The following DMTF1 variants were observed in gnomAD, a reference collection of about 807,000 sequenced individuals.
The protein encoded by DMTF1 is cyclin-D-binding Myb-like transcription factor 1.
Under a neutral mutation model 91.1 loss-of-function variants are expected in DMTF1, and 39 were observed. The observed-to-expected ratio is 0.43, with a 90% CI of 0.33 to 0.56. The LOEUF (loss-of-function observed/expected upper bound fraction) is 0.56, where lower values mean the gene tolerates loss of function less well. DMTF1 is among the 20% of genes least tolerant of loss of function. DMTF1 has a pLI of 0.05. For missense variants in DMTF1, 750 were observed against 914.5 expected, an observed-to-expected ratio of 0.82 and a Z score of 2.32; for synonymous variants, 338 against 309.5, an observed-to-expected ratio of 1.09 and a Z score of -0.97.
intron 1 of DMTF1, among the ~76,000 whole-genome samples, chr7:87,156,413 A>G (rs1441116226): frequency 6.6e-6 from 1 of 152,126 alleles, no homozygotes; most frequent in African/African-American, 2.4e-5. Context: ...ATCATATTTT[A>G]CCATCTTAAA....
At chr7:87,167,432 A>G (rs968594269) in intron 4 of DMTF1, among the ~76,000 whole-genome samples, 8 of 152,224 alleles carry the variant, frequency 5.3e-5, no homozygotes, top group African/African-American at 1.9e-4. Flanking sequence ...GTCCATGGCA[A>G]TGGGGATGCA....
chr7:87,188,031 C>G, intron 12 of DMTF1, 61 bp from the exon 13 acceptor site: 1 of 1,391,800 alleles, frequency 7.2e-7, no homozygotes, highest in Non-Finnish European at 1.0e-6. Flanking sequence ...ACCTCCCTTG[C>G]TGCTTAGATG....
chr7:87,179,807 T>G (rs1562825631), intron 8 of DMTF1, 105 bp downstream of exon 8: 2 of 1,091,628 alleles, frequency 1.8e-6, no homozygotes, highest in East Asian at 5.6e-5. Flanking sequence ...TATTAATTGT[T>G]GTTAATATTT....
At chr7:87,155,894 C>G (rs1790574246) in intron 1 of DMTF1, among the ~76,000 whole-genome samples, 1 of 152,136 alleles carries the variant, frequency 6.6e-6, no homozygotes, top group Non-Finnish European at 1.5e-5. Context: ...ATTATGTACA[C>G]TGTTAGGTCA....
At chr7:87,184,810 T>A in intron 11 of DMTF1, 185 bp downstream of exon 11, 1 of 701,476 alleles carries the variant, frequency 1.4e-6, no homozygotes, top group Non-Finnish European at 2.6e-6. Context: ...TTGTTCCTTT[T>A]TTTTTTTAGT....
intron 8 of DMTF1, among the ~76,000 whole-genome samples, chr7:87,180,287 T>C (rs1427747752): frequency 6.6e-6 from 1 of 152,210 alleles, no homozygotes; most frequent in Non-Finnish European, 1.5e-5. Flanking sequence ...GAGCTCTTTC[T>C]CTAGCTCTTC....
intron 13 of DMTF1, among the ~76,000 whole-genome samples, chr7:87,188,719 A>C (rs534947372): frequency 6.6e-6 from 1 of 152,166 alleles, no homozygotes; most frequent in Non-Finnish European, 1.5e-5. Flanking sequence ...TCGTTTGGTA[A>C]AGAAATGAGT....
At chr7:87,190,537 AG>A (rs1359504744) in intron 13 of DMTF1, among the ~76,000 whole-genome samples, 1 of 152,038 alleles carries the variant, frequency 6.6e-6, no homozygotes, top group African/African-American at 2.4e-5. Flanking sequence ...ATGTATACCA[AG>A]GGTTAGCAAA....
chr7:87,166,703 C>A, intron 4 of DMTF1, 98 bp downstream of exon 4: 1 of 1,180,160 alleles, frequency 8.5e-7, no homozygotes, highest in Non-Finnish European at 1.2e-6. Flanking sequence ...CTTGGACTTA[C>A]TGCTTTTTTC....
intron 4 of DMTF1, among the ~76,000 whole-genome samples, chr7:87,169,549 T>C (rs1794620364): frequency 6.6e-6 from 1 of 152,052 alleles, no homozygotes; most frequent in South Asian, 2.1e-4. Context: ...AAATTGCCTA[T>C]ATTTGCCTTC....
At chr7:87,165,629 A>C (rs1051739371) in intron 3 of DMTF1, among the ~76,000 whole-genome samples, 2 of 152,232 alleles carry the variant, frequency 1.3e-5, no homozygotes, top group African/African-American at 4.8e-5. Flanking sequence ...CCTACCTATA[A>C]AGATGACTCA....
chr7:87,189,578 TTC>T (rs1011402184), intron 13 of DMTF1, among the ~76,000 whole-genome samples: 8 of 152,160 alleles, frequency 5.3e-5, no homozygotes, highest in Non-Finnish European at 4.4e-5. Context: ...ATTTAGAATT[TTC>T]TCTCTTACAG....
chr7:87,184,674 A>G lies in DMTF1; in HGVS notation c.1049+49A>G, dbSNP rs746804255. On this transcript the variant is annotated intron_variant, in intron 11 of 17. Transcript: ENST00000331242. ...GACAAAAGCAACTTAATTTCTGTGG[A>G]TGTCTTGATAGACTTTCCTCTTTTG... The G allele has an allele frequency of 6.6e-6, 10 of 1,516,460 alleles. No homozygotes were observed. The South Asian group carries it at 1.2e-4, about 17-fold the overall frequency. 93.9% of individuals were successfully genotyped at this position (1,516,460 alleles called of 1,614,324 possible).
intron 2 of DMTF1, among the ~76,000 whole-genome samples, chr7:87,163,893 G>C (rs991546677): frequency 1.3e-5 from 2 of 151,936 alleles, no homozygotes; most frequent in African/African-American, 4.8e-5. Context: ...ATAGGAGCCA[G>C]AGAGAGCCAG....
chr7:87,194,693 T>C lies in DMTF1; in HGVS notation c.2038T>C (p.Ser680Pro). 6.2e-7 allele frequency: 1 copy of C among 1,606,036 alleles called. No individual in the cohort carries two copies. The highest frequency in any genetic ancestry group is 8.5e-7 in the Non-Finnish European group (1 of 1,174,614). ...TTTTAATGTTATTTAGGGTTTAGAG[T>C]CTCCCACTATAGAAGAACAAGTTGA... Reference protein sequence around the residue: ...ASAYVTEGLESPTIEEQVDQT... With the variant: ...ASAYVTEGLEPPTIEEQVDQT... The change falls in exon 17 of 18, where the codon TCT becomes CCT. Residue 680 changes from serine (S) to proline (P), a missense_variant. Physicochemically the swap from Ser to Pro is moderately conservative, Grantham distance 74. Transcript: ENST00000331242.
intron 5 of DMTF1, among the ~76,000 whole-genome samples, chr7:87,171,492 T>C (rs921147446): frequency 1.3e-5 from 2 of 152,198 alleles, no homozygotes; most frequent in Non-Finnish European, 2.9e-5. Flanking sequence ...TATTTTGACA[T>C]AGTTTGGTAG....
At position 87,194,714 on chromosome 7, in the gene DMTF1, G is replaced by A; in HGVS notation, c.2059G>A (p.Val687Ile). The change falls in exon 17 of 18, where the codon GTT (valine) becomes ATT (isoleucine). Residue 687 changes from valine to isoleucine, a missense_variant. By Grantham distance (29) the Val-to-Ile change is conservative (BLOSUM62 3). Coordinates refer to ENST00000331242, the MANE Select transcript of DMTF1 (RefSeq NM_001142327.2). ...AGAGTCTCCCACTATAGAAGAACAA[G>A]TTGATCAAACAATTGATGATGAAAC... ...GLESPTIEEQ[V>I]DQTIDDETIL... 2 of 1,610,012 alleles carry A rather than the reference G, an allele frequency of 1.2e-6. No homozygotes were observed. The highest frequency in any genetic ancestry group is 1.7e-6 in the Non-Finnish European group (2 of 1,177,220).
chr7:87,180,895 G>A (rs1797220882), intron 8 of DMTF1, among the ~76,000 whole-genome samples: 1 of 125,618 alleles, frequency 8.0e-6, no homozygotes, highest in Admixed American at 9.5e-5. Flanking sequence ...AGTCTGTGTT[G>A]CGCAGGCTGG....
intron 4 of DMTF1, among the ~76,000 whole-genome samples, chr7:87,167,486 A>G (rs1020973935): frequency 5.3e-5 from 8 of 152,248 alleles, no homozygotes; most frequent in African/African-American, 1.9e-4. Flanking sequence ...GGGTTTTGCC[A>G]TAGCTGAGAA....
Sources: allele counts gnomAD v4.1 joint callset (sites outside exome capture counted in the v4.1 genomes callset), GRCh38; gene constraint gnomAD v4.1.1; transcripts MANE v1.5; gene names NCBI Gene and HGNC (gene_info 2026-07-23, HGNC 2026-07-21).